The following GRHL2 variants were observed in gnomAD, a reference collection of about 807,000 sequenced individuals.
GRHL2 encodes grainyhead like transcription factor 2.
Under a neutral mutation model 83.8 loss-of-function variants are expected in GRHL2, and 21 were observed. That is an observed-to-expected ratio of 0.25 (90% confidence interval 0.18 to 0.36). The LOEUF (loss-of-function observed/expected upper bound fraction) is 0.36, where lower values mean the gene tolerates loss of function less well. Ranked by LOEUF, GRHL2 falls within the 10% of genes least tolerant of loss-of-function variation. The pLI, the probability that GRHL2 is intolerant of heterozygous loss-of-function variation, is 1.00. For synonymous variants in GRHL2, 280 were observed against 278.9 expected (o/e 1.00, Z -0.04); for missense variants, 623 against 781.8 (o/e 0.80, Z 2.42).
chr8:101,586,144 A>G (rs957931835), intron 7 of GRHL2, among the ~76,000 whole-genome samples: 6 of 141,034 alleles, frequency 4.3e-5, no homozygotes, highest in Non-Finnish European at 7.5e-5. Context: ...CAGTGGCGCA[A>G]TCTCGGCTCA....
chr8:101,573,499 T>C (rs537798081), intron 5 of GRHL2, among the ~76,000 whole-genome samples, 169 bp from the exon 6 acceptor site: 10 of 152,242 alleles, frequency 6.6e-5, no homozygotes, highest in Non-Finnish European at 1.2e-4. Flanking sequence ...TACATTGTAC[T>C]AGCAATGACC....
chr8:101,671,247 G>A (rs1443249602), downstream of GRHL2, among the ~76,000 whole-genome samples: 1 of 152,196 alleles, frequency 6.6e-6, no homozygotes, highest in Non-Finnish European at 1.5e-5. Context: ...AAGCGCAAGG[G>A]GTCAGGGAGT....
At chr8:101,643,300 C>G (rs528764119) in intron 12 of GRHL2, among the ~76,000 whole-genome samples, 14 of 136,692 alleles carry the variant, frequency 1.0e-4, no homozygotes, top group African/African-American at 3.5e-4. Flanking sequence ...GTTTGAAAAA[C>G]AGTAAGATTC....
chr8:101,554,027 AT>A (rs1811442062), intron 3 of GRHL2, among the ~76,000 whole-genome samples: 2 of 152,194 alleles, frequency 1.3e-5, no homozygotes, highest in South Asian at 4.1e-4. Flanking sequence ...GTTCTTCCAT[AT>A]GGAAGTAAAA....
chr8:101,611,940 C>T (rs879076201), intron 8 of GRHL2, among the ~76,000 whole-genome samples: 8 of 151,018 alleles, frequency 5.3e-5, no homozygotes. Context: ...TCTCAAGACT[C>T]CTACAGGAAA....
At position 101,509,142 on chromosome 8, in the gene GRHL2, C is replaced by CT. The variant is rs879892859; in HGVS notation, c.20+16355dup. 7.8e-3 allele frequency among the ~76,000 whole-genome samples: 573 copies of CT among 73,154 alleles called. 13 individuals are homozygous for CT. Among genetic ancestry groups the CT allele is most frequent in the South Asian group, 0.015 (31 of 2,112 alleles). 48.0% of individuals were successfully genotyped at this position (73,154 alleles called of 152,430 possible). On this transcript the variant is annotated intron_variant, in intron 1 of 15. Transcript: ENST00000646743. The stretch of plus-strand genomic sequence containing the variant: ...CCTTCCTTCCTTCCTTCCTTCCTTC[C>CT]TTCCTTCCTTCCTTCCTTTCTTTCT...
At chr8:101,600,535 G>A (rs140995731) in intron 8 of GRHL2, among the ~76,000 whole-genome samples, 77 of 152,132 alleles carry the variant, frequency 5.1e-4, no homozygotes, top group African/African-American at 1.8e-3. Context: ...CTTTCTCATC[G>A]TTCCCTGTTC....
downstream of GRHL2, among the ~76,000 whole-genome samples, chr8:101,670,284 T>C (rs1814183934): frequency 6.6e-6 from 1 of 152,224 alleles, no homozygotes; most frequent in African/African-American, 2.4e-5. Context: ...CTCCTTTAAC[T>C]GCTGTCCATG....
intron 4 of GRHL2, among the ~76,000 whole-genome samples, chr8:101,566,748 G>A (rs988752159): frequency 2.6e-5 from 4 of 151,780 alleles, no homozygotes; most frequent in African/African-American, 9.7e-5. Flanking sequence ...GAACATTAAG[G>A]TTGACTGCCA....
chr8:101,651,563 T>C (rs1316304520), intron 14 of GRHL2, among the ~76,000 whole-genome samples: 1 of 152,214 alleles, frequency 6.6e-6, no homozygotes. Flanking sequence ...GTTCTGTGGA[T>C]GCAGTTGGAA....
At chr8:101,636,849 C>G in intron 11 of GRHL2, 48 bp from the exon 12 acceptor site, 1 of 1,565,298 alleles carries the variant, frequency 6.4e-7, no homozygotes, top group Middle Eastern at 1.7e-4. Context: ...AATATTTTTT[C>G]CATTTCTTGT....
the GRHL2 span, among the ~76,000 whole-genome samples, chr8:101,676,815 T>G: frequency 1.3e-5 from 2 of 152,160 alleles, no homozygotes; most frequent in Non-Finnish European, 2.9e-5. Flanking sequence ...CCAACCCAAA[T>G]GTCCAACAAC....
rs376701859 is a variant in GRHL2, at chr8:101,599,081, C to T, written c.1028C>T (p.Thr343Met). ...DIADYKESFNTIGNIEEIAYN... is the reference protein window; with the variant it reads ...DIADYKESFNMIGNIEEIAYN... Reference sequence around the variant, plus strand: ...GCCGATTACAAGGAGAGCTTTAATACGATTGGAAACATTGAAGAGATTGCA... The same window carrying T: ...GCCGATTACAAGGAGAGCTTTAATATGATTGGAAACATTGAAGAGATTGCA... Residue 343 changes from threonine (T) to methionine (M), a missense_variant, in exon 8 of 16, where the codon ACG becomes ATG. By Grantham distance (81) the Thr-to-Met change is moderately conservative. This residue lies in a region of GRHL2 where 96 missense variants were observed against 144.8 expected (regional missense o/e 0.66). Transcript: ENST00000646743. The T allele has an allele frequency of 1.5e-5, 24 of 1,612,476 alleles. No individual in the cohort carries two copies. The East Asian group carries it at 2.7e-4, about 18-fold the overall frequency.
At chr8:101,666,123 G>T (rs767869474) in intron 15 of GRHL2, among the ~76,000 whole-genome samples, 1 of 152,136 alleles carries the variant, frequency 6.6e-6, no homozygotes, top group Non-Finnish European at 1.5e-5. Flanking sequence ...TAAACACAAG[G>T]TCATATTACA....
intron 10 of GRHL2, among the ~76,000 whole-genome samples, chr8:101,632,021 C>T (rs1027931964): frequency 3.3e-5 from 5 of 152,126 alleles, no homozygotes; most frequent in Non-Finnish European, 7.3e-5. Context: ...TGAGGGGCCT[C>T]GAGCTTCACC....
At chr8:101,632,841 A>G (rs1274805403) in intron 11 of GRHL2, among the ~76,000 whole-genome samples, 1 of 152,238 alleles carries the variant, frequency 6.6e-6, no homozygotes, top group Non-Finnish European at 1.5e-5. Context: ...TTTCACATCA[A>G]AAGAAAAATG....
chr8:101,607,377 C>A (rs1466015353), intron 8 of GRHL2, among the ~76,000 whole-genome samples: 1 of 152,218 alleles, frequency 6.6e-6, no homozygotes, highest in Non-Finnish European at 1.5e-5. Flanking sequence ...AGACTACACT[C>A]CTGAGTGCCC....
chr8:101,565,959 A>G (rs369778183), intron 4 of GRHL2, among the ~76,000 whole-genome samples: 7 of 152,350 alleles, frequency 4.6e-5, no homozygotes, highest in African/African-American at 1.4e-4. Context: ...CATTGATTTT[A>G]TATTCATCTA....
intron 7 of GRHL2, among the ~76,000 whole-genome samples, chr8:101,587,007 C>A (rs1327116878): frequency 6.6e-6 from 1 of 152,108 alleles, no homozygotes; most frequent in African/African-American, 2.4e-5. Flanking sequence ...AATATATATA[C>A]TCATAAACAA....
Sources: allele counts gnomAD v4.1 joint callset (sites outside exome capture counted in the v4.1 genomes callset), GRCh38; gene constraint gnomAD v4.1.1; regional missense constraint gnomAD v4.1.1; transcripts MANE v1.5; gene names NCBI Gene and HGNC (gene_info 2026-07-23, HGNC 2026-07-21).